NRXN3: variants seen among roughly 807,000 people sequenced by gnomAD.
NRXN3 encodes the protein neurexin III.
A neutral mutation model predicts 137.6 loss-of-function variants in NRXN3; 32 were observed. That is an observed-to-expected ratio of 0.23 (90% confidence interval 0.18 to 0.31). NRXN3 has a LOEUF of 0.31. NRXN3 is among the 10% of genes least tolerant of loss of function. The pLI, the probability that NRXN3 is intolerant of heterozygous loss-of-function variation, is 1.00. For missense variants in NRXN3, 1,574 were observed against 2,062.5 expected, an observed-to-expected ratio of 0.76 and a Z score of 4.59; for synonymous variants, 798 against 784.5, an observed-to-expected ratio of 1.02 and a Z score of -0.29.
chr14:78,905,059 GA>G (rs2099211097), intron 10 of NRXN3, among the ~76,000 whole-genome samples: 1 of 151,986 alleles, frequency 6.6e-6, no homozygotes, highest in African/African-American at 2.4e-5. Flanking sequence ...TTCTGCCATT[GA>G]GTTCAGTGTG....
intron 14 of NRXN3, among the ~76,000 whole-genome samples, chr14:78,969,096 T>C (rs190833344): frequency 1.5e-4 from 23 of 152,332 alleles, no homozygotes; most frequent in Middle Eastern, 6.8e-3. Flanking sequence ...AAATGCCTGG[T>C]ATGTAGTAGG....
At chr14:78,787,487 G>A (rs2098792539) in intron 8 of NRXN3, among the ~76,000 whole-genome samples, 1 of 152,130 alleles carries the variant, frequency 6.6e-6, no homozygotes, top group South Asian at 2.1e-4. Flanking sequence ...TTAGAATAAA[G>A]CAAAGGTAAT....
chr14:79,188,963 G>A (rs964878680), intron 15 of NRXN3, among the ~76,000 whole-genome samples: 10 of 152,124 alleles, frequency 6.6e-5, no homozygotes, highest in Non-Finnish European at 1.2e-4. Context: ...TTCAACCCTT[G>A]TGGAAGTCAG....
intron 4 of NRXN3, among the ~76,000 whole-genome samples, chr14:78,632,485 A>G (rs1200431094): frequency 6.6e-6 from 1 of 152,168 alleles, no homozygotes; most frequent in Non-Finnish European, 1.5e-5. Context: ...CAAAAGATAC[A>G]CAAACCTAAA....
intron 4 of NRXN3, among the ~76,000 whole-genome samples, chr14:78,393,585 A>G (rs1444467953): frequency 6.6e-6 from 1 of 152,006 alleles, no homozygotes; most frequent in African/African-American, 2.4e-5. Context: ...ATATTGCTTC[A>G]GGTATTCTAG....
chr14:78,980,659 A>G (rs1040013846), intron 14 of NRXN3, among the ~76,000 whole-genome samples: 1 of 152,222 alleles, frequency 6.6e-6, no homozygotes, highest in Non-Finnish European at 1.5e-5. Flanking sequence ...ACCATCAAGA[A>G]AAATGATAGG....
chr14:79,627,712 T>G (rs999751503), intron 16 of NRXN3, among the ~76,000 whole-genome samples: 7 of 152,198 alleles, frequency 4.6e-5, no homozygotes, highest in Non-Finnish European at 1.0e-4. Flanking sequence ...ATTAACCCCA[T>G]GGAACCTCAT....
At chr14:79,764,559 C>G (rs945313984) in intron 19 of NRXN3, among the ~76,000 whole-genome samples, 3 of 152,168 alleles carry the variant, frequency 2.0e-5, no homozygotes, top group African/African-American at 7.2e-5. Context: ...TCCACTGCAG[C>G]TACATTTAAG....
At chr14:78,825,624 C>T (rs764280424) in intron 10 of NRXN3, among the ~76,000 whole-genome samples, 3 of 152,224 alleles carry the variant, frequency 2.0e-5, no homozygotes, top group Non-Finnish European at 4.4e-5. Flanking sequence ...CATTTGAACT[C>T]GTAACAATGG....
intron 17 of NRXN3, among the ~76,000 whole-genome samples, chr14:79,677,307 A>G (rs1424524309): frequency 1.3e-5 from 2 of 152,106 alleles, no homozygotes; most frequent in East Asian, 1.9e-4. Context: ...TAATATAGAT[A>G]TATATGTAAA....
intron 2 of NRXN3, among the ~76,000 whole-genome samples, chr14:78,274,750 T>TGGGTGAAAGACGGAAGTG (rs2073331560): frequency 6.6e-6 from 1 of 152,104 alleles, no homozygotes; most frequent in African/African-American, 2.4e-5. Context: ...CTGAAGAGAG[T>TGGGTGAAAGACGGAAGTG]GGGTGAAAGA....
intron 15 of NRXN3, among the ~76,000 whole-genome samples, chr14:79,297,767 A>G (rs1754491072): frequency 6.6e-6 from 1 of 152,120 alleles, no homozygotes. Context: ...CACAGGTGTT[A>G]TTGGGTAGCA....
intron 4 of NRXN3, among the ~76,000 whole-genome samples, chr14:78,544,067 T>G (rs935309279): frequency 1.3e-5 from 2 of 152,212 alleles, no homozygotes; most frequent in Non-Finnish European, 2.9e-5. Context: ...CTGTCTTACA[T>G]TTCCAGGTTT....
At chr14:78,280,745 G>A (rs2074297106) in intron 3 of NRXN3, among the ~76,000 whole-genome samples, 1 of 152,306 alleles carries the variant, frequency 6.6e-6, no homozygotes, top group African/African-American at 2.4e-5. Context: ...ATAACATGGT[G>A]GAGTGAAATG....
At chr14:78,755,263 G>A (rs566011942) in intron 8 of NRXN3, among the ~76,000 whole-genome samples, 4 of 150,370 alleles carry the variant, frequency 2.7e-5, no homozygotes, top group East Asian at 3.9e-4. Flanking sequence ...CTAGCCTCAA[G>A]CAATTCTCCC....
At chr14:79,371,036 A>T (rs535658720) in intron 15 of NRXN3, among the ~76,000 whole-genome samples, 3 of 152,298 alleles carry the variant, frequency 2.0e-5, no homozygotes, top group African/African-American at 7.2e-5. Flanking sequence ...ACTTAGTGCC[A>T]TTTCTCTCAT....
At chr14:78,221,762 C>A (rs1034901105) in intron 1 of NRXN3, among the ~76,000 whole-genome samples, 2 of 152,078 alleles carry the variant, frequency 1.3e-5, no homozygotes, top group African/African-American at 2.4e-5. Flanking sequence ...CCTGTTGGAA[C>A]TGGTGGGCTA....
At chr14:78,768,935 G>C (rs1178416073) in intron 8 of NRXN3, among the ~76,000 whole-genome samples, 1 of 152,132 alleles carries the variant, frequency 6.6e-6, no homozygotes, top group Non-Finnish European at 1.5e-5. Context: ...CATTACAAAG[G>C]CATGATTAAT....
intron 15 of NRXN3, among the ~76,000 whole-genome samples, chr14:79,234,405 A>G (rs982440584): frequency 7.0e-6 from 1 of 143,768 alleles, no homozygotes; most frequent in Non-Finnish European, 1.5e-5. Context: ...TATTTTTGAG[A>G]CAGAGTCTGG....
Sources: allele counts gnomAD v4.1 joint callset (sites outside exome capture counted in the v4.1 genomes callset), GRCh38; gene constraint gnomAD v4.1.1; transcripts MANE v1.5; gene names NCBI Gene and HGNC (gene_info 2026-07-23, HGNC 2026-07-21).